Variants in PDE4D observed in about 807,000 individuals in gnomAD.
PDE4D encodes the protein 3',5'-cyclic-AMP phosphodiesterase 4D.
A neutral mutation model predicts 87.4 loss-of-function variants in PDE4D; 24 were observed. That is an observed-to-expected ratio of 0.27 (90% CI 0.20 to 0.39). PDE4D has a LOEUF of 0.39. PDE4D is among the 10% of genes least tolerant of loss of function. The pLI is 1.00. For synonymous variants in PDE4D, 384 were observed against 383.2 expected, an observed-to-expected ratio of 1.00 and a Z score of -0.02; for missense variants, 714 against 1,041.0, an observed-to-expected ratio of 0.69 and a Z score of 4.32.
intron 1 of PDE4D, among the ~76,000 whole-genome samples, chr5:59,230,222 A>T (rs1463585848): frequency 3.3e-5 from 5 of 151,768 alleles, no homozygotes; most frequent in Admixed American, 6.6e-5. Context: ...AAGCTTACTC[A>T]TAATTCTCAA....
intron 2 of PDE4D, among the ~76,000 whole-genome samples, chr5:60,039,819 T>C (rs1768259374): frequency 6.6e-6 from 1 of 152,154 alleles, no homozygotes; most frequent in African/African-American, 2.4e-5. Context: ...CATCAGGAAA[T>C]TCTGCTATTG....
At chr5:59,100,014 C>T (rs1219305408) in intron 5 of PDE4D, among the ~76,000 whole-genome samples, 1 of 152,164 alleles carries the variant, frequency 6.6e-6, no homozygotes, top group Non-Finnish European at 1.5e-5. Flanking sequence ...TTCCATAACA[C>T]CCCTCATATG....
intron 1 of PDE4D, among the ~76,000 whole-genome samples, chr5:60,301,958 T>A (rs1753940664): frequency 1.3e-5 from 2 of 152,218 alleles, no homozygotes; most frequent in Admixed American, 1.3e-4. Context: ...TAGTTTTTTT[T>A]ATAGGATGAA....
intron 1 of PDE4D, among the ~76,000 whole-genome samples, chr5:59,366,408 C>G (rs1783063980): frequency 6.6e-6 from 1 of 152,018 alleles, no homozygotes; most frequent in African/African-American, 2.4e-5. Context: ...TAAAGATATG[C>G]TCAAGATTAT....
chr5:59,369,359 TCTC>T lies in PDE4D; in HGVS notation c.456-153394_456-153392del, dbSNP rs1466270728. Reference sequence around the variant, plus strand: ...CCTGGTTTTCAGAATAGTATATCAATCTCCTTCTTGGAGATTGACATATGGGTA... The same window carrying T: ...CCTGGTTTTCAGAATAGTATATCAATCTTCTTGGAGATTGACATATGGGTA... On this transcript the variant is annotated intron_variant, in intron 1 of 14. Coordinates refer to ENST00000340635, the MANE Select transcript of PDE4D (RefSeq NM_001104631.2). Among the ~76,000 whole-genome samples, 11 of 152,270 alleles carry T rather than the reference TCTC, an allele frequency of 7.2e-5. No homozygotes were observed. In the East Asian group the frequency reaches 2.1e-3, roughly 29 times the overall value.
chr5:60,124,407 A>G (rs1778947471), intron 2 of PDE4D, among the ~76,000 whole-genome samples: 1 of 152,052 alleles, frequency 6.6e-6, no homozygotes, highest in African/African-American at 2.4e-5. Context: ...CTCTCCTTAA[A>G]TTTTTAACAG....
At chr5:59,981,742 AC>A (rs2152825717) in intron 3 of PDE4D, among the ~76,000 whole-genome samples, 1 of 152,206 alleles carries the variant, frequency 6.6e-6, no homozygotes, top group East Asian at 1.9e-4. Context: ...CTTTATAAAC[AC>A]CCTTATATCC....
In PDE4D at chr5:58,990,892, T is replaced by G; in HGVS notation, c.1199A>C (p.Asp400Ala). The G allele has an allele frequency of 6.3e-7, 1 of 1,576,592 alleles. No individual in the cohort carries two copies. Among genetic ancestry groups the G allele is most frequent in the South Asian group, 1.2e-5 (1 of 86,496 alleles). Residue 400 changes from aspartate to alanine, a missense_variant, in exon 9 of 15, where the codon GAT (aspartate) becomes GCT (alanine). This residue lies in a region of PDE4D where 141 missense variants were observed against 204.3 expected (regional missense o/e 0.69). Transcript: ENST00000340635. ...QEDVLAKELEDVNKWGLHVFR... is the reference protein window; with the variant it reads ...QEDVLAKELEAVNKWGLHVFR... Reference sequence around the variant, plus strand: ...AACATGAAGACCCCATTTGTTCACATCTTCTAGTTCCTGGAGTGAAAAAAA... The same window carrying G: ...AACATGAAGACCCCATTTGTTCACAGCTTCTAGTTCCTGGAGTGAAAAAAA...
chr5:60,379,899 C>A (rs531939268), intron 1 of PDE4D, among the ~76,000 whole-genome samples: 1 of 152,254 alleles, frequency 6.6e-6, no homozygotes, highest in South Asian at 2.1e-4. Context: ...CTTCTTCTTA[C>A]ATTAATTGAT....
At chr5:59,085,633 A>G (rs994191388) in intron 5 of PDE4D, among the ~76,000 whole-genome samples, 2 of 152,218 alleles carry the variant, frequency 1.3e-5, no homozygotes, top group African/African-American at 2.4e-5. Context: ...GCATAAACTG[A>G]GTGTCCCAGG....
intron 1 of PDE4D, among the ~76,000 whole-genome samples, chr5:59,629,486 A>G (rs1831304241): frequency 6.6e-6 from 1 of 152,108 alleles, no homozygotes; most frequent in African/African-American, 2.4e-5. Context: ...ACATGTACAG[A>G]GAGAAGACGA....
At chr5:60,073,118 T>A (rs1316513581) in intron 2 of PDE4D, among the ~76,000 whole-genome samples, 1 of 152,176 alleles carries the variant, frequency 6.6e-6, no homozygotes, top group Non-Finnish European at 1.5e-5. Flanking sequence ...TTCAAGCTTT[T>A]GCCCATTCAG....
intron 1 of PDE4D, among the ~76,000 whole-genome samples, chr5:59,232,444 C>T (rs1755425060): frequency 6.7e-6 from 1 of 150,196 alleles, no homozygotes. Flanking sequence ...CATTACTAAT[C>T]ATCAGGGAAC....
chr5:60,053,860 C>G (rs1326034621), intron 2 of PDE4D, among the ~76,000 whole-genome samples: 1 of 152,104 alleles, frequency 6.6e-6, no homozygotes, highest in Non-Finnish European at 1.5e-5. Flanking sequence ...AGAAACCCAT[C>G]AAAAAGTGGG....
chr5:59,323,045 T>C (rs547234156), intron 1 of PDE4D, among the ~76,000 whole-genome samples: 58 of 152,262 alleles, frequency 3.8e-4, no homozygotes, highest in African/African-American at 1.4e-3. Flanking sequence ...ATCTCAACAG[T>C]TCTGACTAAT....
At chr5:60,286,434 T>C (rs1752423462) in intron 1 of PDE4D, among the ~76,000 whole-genome samples, 1 of 152,204 alleles carries the variant, frequency 6.6e-6, no homozygotes, top group Admixed American at 6.6e-5. Context: ...TAGACAGACA[T>C]TTGTTTACAT....
chr5:60,106,119 C>T (rs1235874247), intron 2 of PDE4D, among the ~76,000 whole-genome samples: 14 of 151,756 alleles, frequency 9.2e-5, no homozygotes, highest in African/African-American at 1.5e-4. Context: ...ACCCATCTCA[C>T]GTGCAGAGAC....
rs1458495331 is a variant in PDE4D, at chr5:59,300,688, C to CA, written c.456-84721dup. Among the ~76,000 whole-genome samples, 12 of 152,132 alleles carry CA rather than the reference C, an allele frequency of 7.9e-5. No homozygotes were observed. The South Asian group carries it at 1.7e-3, about 21-fold the overall frequency. ...GAACAAACATGTGAGGTTTCCCCCC[C>CA]ACACCAAGCAGCCAACACTAGCTGG... On this transcript the variant is annotated intron_variant, in intron 1 of 14. Transcript: ENST00000340635.
At chr5:59,412,540 T>C (rs905110634) in intron 1 of PDE4D, among the ~76,000 whole-genome samples, 10 of 152,140 alleles carry the variant, frequency 6.6e-5, no homozygotes, top group African/African-American at 2.4e-4. Context: ...GGCCCATGGC[T>C]GTTCTTACTT....
Sources: allele counts gnomAD v4.1 joint callset (sites outside exome capture counted in the v4.1 genomes callset), GRCh38; gene constraint gnomAD v4.1.1; regional missense constraint gnomAD v4.1.1; transcripts MANE v1.5; gene names NCBI Gene and HGNC (gene_info 2026-07-23, HGNC 2026-07-21).